MICAL3: variants seen among roughly 807,000 people sequenced by gnomAD.
MICAL3 encodes the protein [F-actin]-monooxygenase MICAL3.
MICAL3 carries 62 observed loss-of-function variants against 207.4 expected under a neutral mutation model. The observed-to-expected ratio is 0.30, with a 90% CI of 0.24 to 0.37. The LOEUF (loss-of-function observed/expected upper bound fraction) is 0.37, where lower values mean the gene tolerates loss of function less well. Ranked by LOEUF, MICAL3 falls within the 10% of genes least tolerant of loss-of-function variation. The pLI is 1.00. For synonymous variants in MICAL3, 1,077 were observed against 1,069.3 expected (o/e 1.01, Z -0.14); for missense variants, 2,368 against 2,635.6 (o/e 0.90, Z 2.22).
intron 1 of MICAL3, among the ~76,000 whole-genome samples, chr22:17,988,939 C>T (rs539226586): frequency 1.1e-4 from 16 of 152,300 alleles, no homozygotes; most frequent in African/African-American, 2.6e-4. Context: ...GGGGAGCAGC[C>T]GCGGAGTCCA....
In MICAL3 at chr22:17,814,809, G is replaced by A. The variant is rs376473101; in HGVS notation, c.5445+1881C>T. 220 of 131,166 alleles carry A rather than the reference G, an allele frequency of 1.7e-3. 1 individual carries two copies. Among genetic ancestry groups the A allele is most frequent in the African/African-American group, 6.2e-3 (209 of 33,930 alleles). The allele number at this position is 131,166 out of a possible 1,614,324, so 8.1% of individuals were successfully genotyped here. Reference sequence around the variant, plus strand: ...ATCCATCCCCTAGCTCGACTGTCCCGTAGGTCATCCATCCCCTAGCCGGGC... The same window carrying A: ...ATCCATCCCCTAGCTCGACTGTCCCATAGGTCATCCATCCCCTAGCCGGGC... On this transcript the variant is annotated intron_variant, in intron 27 of 31. Coordinates refer to ENST00000441493, the MANE Select transcript of MICAL3 (RefSeq NM_015241.3).
At chr22:18,014,748 A>G (rs1310965468) in intron 1 of MICAL3, among the ~76,000 whole-genome samples, 1 of 152,108 alleles carries the variant, frequency 6.6e-6, no homozygotes, top group Non-Finnish European at 1.5e-5. Context: ...AATCCCAGCA[A>G]TTTGGGAGGC....
intron 1 of MICAL3, among the ~76,000 whole-genome samples, chr22:18,009,209 G>GA (rs58932716): frequency 1.7e-4 from 4 of 24,022 alleles, no homozygotes; most frequent in African/African-American, 1.2e-3. Flanking sequence ...GTAACTCGCA[G>GA]AAGACTCCTT....
intron 1 of MICAL3, among the ~76,000 whole-genome samples, chr22:17,986,940 C>A (rs1413442611): frequency 2.0e-5 from 3 of 152,042 alleles, no homozygotes; most frequent in Admixed American, 1.3e-4. Flanking sequence ...AAAAATCCAT[C>A]CTGGAAGAAT....
At chr22:17,943,606 C>A (rs415681) in intron 1 of MICAL3, among the ~76,000 whole-genome samples, 84,315 of 151,926 alleles carry the variant, frequency 0.55, 23,802 homozygotes, top group Middle Eastern at 0.71. Context: ...CCCAAGGCTG[C>A]GCTTTATGAA....
At chr22:17,921,261 A>AT (rs1393158316) in intron 1 of MICAL3, among the ~76,000 whole-genome samples, 1 of 152,132 alleles carries the variant, frequency 6.6e-6, no homozygotes, top group Non-Finnish European at 1.5e-5. Flanking sequence ...ATGAATGACT[A>AT]TTTTTCCCTT....
intron 1 of MICAL3, among the ~76,000 whole-genome samples, chr22:17,920,864 T>C (rs900069709): frequency 1.3e-5 from 2 of 152,068 alleles, no homozygotes; most frequent in Non-Finnish European, 2.9e-5. Flanking sequence ...ACAATCCTGG[T>C]GGAAGCCCCG....
rs1409013298 is a variant in MICAL3 at position 17,896,341 on chromosome 22, T to G, written c.1227A>C (p.Thr409=). 1 of 1,555,484 alleles carries G rather than the reference T, an allele frequency of 6.4e-7. No homozygotes were observed. Among genetic ancestry groups the G allele is most frequent in the East Asian group, 2.4e-5 (1 of 41,228 alleles). Residue 409 remains threonine, a synonymous_variant, in exon 9 of 32, where the codon ACA becomes ACC. Coordinates refer to ENST00000441493, the MANE Select transcript of MICAL3 (RefSeq NM_015241.3). ...SLLEPFWPMG[T]GIARGFLAAM... is the part of the protein sequence containing the mutation. ...CAGCTAGAAAGCCCCGGGCTATTCC[T>G]GTTCCCATTGGCCAGAAAGGCTGTA...
intron 21 of MICAL3, among the ~76,000 whole-genome samples, chr22:17,829,752 G>A (rs1224541910): frequency 6.6e-6 from 1 of 152,230 alleles, no homozygotes; most frequent in Non-Finnish European, 1.5e-5. Flanking sequence ...CTGCATCAGA[G>A]AAGGAGCCAA....
At chr22:17,920,173 C>T (rs960367179) in intron 1 of MICAL3, among the ~76,000 whole-genome samples, 7 of 152,242 alleles carry the variant, frequency 4.6e-5, no homozygotes, top group Admixed American at 3.9e-4. Context: ...ACGCGTGAAA[C>T]GCCAGCCTTG....
At chr22:17,843,947 C>T (rs1336721542) in intron 19 of MICAL3, among the ~76,000 whole-genome samples, 4 of 152,064 alleles carry the variant, frequency 2.6e-5, no homozygotes, top group Non-Finnish European at 4.4e-5. Context: ...CCCAGGTTCA[C>T]GCCATTCTCC....
At chr22:17,831,797 T>G in intron 21 of MICAL3, 57 bp downstream of exon 21, 2 of 1,525,864 alleles carry the variant, frequency 1.3e-6, no homozygotes, top group Non-Finnish European at 1.8e-6. Flanking sequence ...CACTCACGCA[T>G]GAAACAGATC....
chr22:17,876,989 TAGGGAGGTG>T (rs200968760), intron 16 of MICAL3: 5 of 117,126 alleles, frequency 4.3e-5, no homozygotes, highest in Admixed American at 8.9e-5. Flanking sequence ...TTAGGGAGGT[TAGGGAGGTG>T]AGGGAGGTTA....
chr22:17,824,316 C>T (rs961426575), intron 22 of MICAL3, among the ~76,000 whole-genome samples: 5 of 152,180 alleles, frequency 3.3e-5, no homozygotes, highest in African/African-American at 4.8e-5. Context: ...AGAGTCCGCA[C>T]GGATCAAAGC....
intron 1 of MICAL3, among the ~76,000 whole-genome samples, chr22:17,939,858 A>C (rs1048952401): frequency 1.3e-5 from 2 of 152,198 alleles, no homozygotes; most frequent in African/African-American, 4.8e-5. Context: ...GACACCATGG[A>C]AACTTGGATA....
intron 1 of MICAL3, among the ~76,000 whole-genome samples, chr22:17,964,986 G>A (rs933582240): frequency 2.0e-5 from 3 of 152,254 alleles, no homozygotes; most frequent in East Asian, 1.9e-4. Context: ...AAACGCCATC[G>A]CTGAAAGGGC....
intron 19 of MICAL3, chr22:17,863,165 C>G: frequency 1.0e-6 from 1 of 985,428 alleles, no homozygotes; most frequent in Non-Finnish European, 1.2e-6. Flanking sequence ...ATGGCAACCT[C>G]GACCAGATGG....
intron 19 of MICAL3, among the ~76,000 whole-genome samples, chr22:17,859,686 C>G (rs1247347542): frequency 6.6e-6 from 1 of 152,246 alleles, no homozygotes; most frequent in African/African-American, 2.4e-5. Context: ...TGCCTGCGGG[C>G]ACGCCTGGCA....
intron 1 of MICAL3, among the ~76,000 whole-genome samples, chr22:17,960,648 G>A (rs1934865917): frequency 6.6e-6 from 1 of 152,104 alleles, no homozygotes; most frequent in South Asian, 2.1e-4. Flanking sequence ...GTGGGTGTGA[G>A]ACTGTGTCCC....
Sources: gnomAD v4.1 joint callset for allele counts (sites outside exome capture counted in the v4.1 genomes callset) on GRCh38, gnomAD v4.1.1 for gene constraint, MANE v1.5 for transcripts, NCBI Gene and HGNC (gene_info 2026-07-23, HGNC 2026-07-21) for gene names.